The following JADE1 variants were observed in gnomAD, a reference collection of about 807,000 sequenced individuals.
JADE1 encodes jade family PHD finger 1.
A neutral mutation model predicts 81.8 loss-of-function variants in JADE1; 14 were observed. That is an observed-to-expected ratio of 0.17 (90% CI 0.11 to 0.27). The LOEUF is 0.27. Among genes scored for constraint, JADE1 ranks in the 10% least tolerant of loss-of-function variants. The pLI, the probability that JADE1 is intolerant of heterozygous loss-of-function variation, is 1.00. For missense variants in JADE1, 690 were observed against 1,047.9 expected, an observed-to-expected ratio of 0.66 and a Z score of 4.71; for synonymous variants, 353 against 391.9, an observed-to-expected ratio of 0.90 and a Z score of 1.17.
rs552387202 is a variant in JADE1, at chr4:128,849,056, G to A, written c.373G>A (p.Glu125Lys). The A allele has an allele frequency of 1.3e-5, 21 of 1,614,144 alleles. No homozygotes were observed. The African/African-American group carries it at 1.6e-4, about 12-fold the overall frequency. ...YIVSSGSEPP[E>K]LGYVDIRTLA... ...CGTGTCATCAGGCTCTGAGCCTCCC[G>A]AGTTGGGCTATGTGGACATCCGGAC... The change falls in exon 5 of 11, where the codon GAG becomes AAG. Residue 125 changes from glutamate to lysine, a missense_variant. By Grantham distance (56) the Glu-to-Lys change is moderately conservative. This residue lies in a region of JADE1 where 98 missense variants were observed against 161.3 expected (regional missense o/e 0.61). Transcript: ENST00000226319.
Position 128,871,741 on chromosome 4 carries a change from A to T in JADE1, c.2008A>T (p.Lys670Ter). The change falls in exon 11 of 11, where the codon AAA becomes TAA. Residue 670 changes from lysine to a stop codon, truncating the protein, a stop_gained. Transcript: ENST00000226319. LOFTEE classifies it high-confidence loss of function. The surrounding 1 kb of genome is among the most constrained non-coding windows in gnomAD (Gnocchi z 4.1). Reference protein sequence around the residue: ...RDNRFHCDLIKGDLKDKSFKQ... With the variant: ...RDNRFHCDLI ...CAATCGTTTTCATTGTGATCTCATT[A>T]AAGGAGACTTAAAGGACAAATCTTT... The T allele has an allele frequency of 6.2e-7, 1 of 1,614,160 alleles. No homozygotes were observed. The highest frequency in any genetic ancestry group is 8.5e-7 in the Non-Finnish European group (1 of 1,180,024).
intron 2 of JADE1, among the ~76,000 whole-genome samples, chr4:128,835,834 C>G (rs1728936371): frequency 6.6e-6 from 1 of 152,212 alleles, no homozygotes; most frequent in African/African-American, 2.4e-5. Context: ...GTTTTCTGGC[C>G]TGGTCCAGAG....
chr4:128,822,841 A>G (rs1727710543), intron 1 of JADE1, among the ~76,000 whole-genome samples: 2 of 152,242 alleles, frequency 1.3e-5, no homozygotes, highest in African/African-American at 4.8e-5. Flanking sequence ...GAACATTTAT[A>G]TTCTTTCAGA....
At chr4:128,812,528 C>T (rs1726553464) in intron 1 of JADE1, among the ~76,000 whole-genome samples, 1 of 152,170 alleles carries the variant, frequency 6.6e-6, no homozygotes, top group Non-Finnish European at 1.5e-5. Flanking sequence ...ATTCTCGAGT[C>T]CTCAACCCCG....
At position 128,849,962 on chromosome 4, in the gene JADE1, G is replaced by A. The variant is rs148690814; in HGVS notation, c.484+795G>A. On this transcript the variant is annotated intron_variant, in intron 5 of 10. Coordinates refer to ENST00000226319, the MANE Select transcript of JADE1 (RefSeq NM_199320.4). ...TGTAGGTACACGGTGGGGAGGTGGT[G>A]GCAAGGGCCATGTATTGTAATCTAG... Among the ~76,000 whole-genome samples the A allele has an allele frequency of 5.3e-5, 8 of 152,184 alleles. No individual in the cohort carries two copies. In the East Asian group the frequency reaches 1.5e-3, roughly 29 times the overall value.
intron 1 of JADE1, among the ~76,000 whole-genome samples, chr4:128,827,551 G>A (rs924262807): frequency 3.3e-5 from 5 of 152,208 alleles, no homozygotes; most frequent in Non-Finnish European, 5.9e-5. Flanking sequence ...ACAGATGCCT[G>A]AGTAAAGCTG....
chr4:128,817,406 A>G (rs17013725), intron 1 of JADE1, among the ~76,000 whole-genome samples: 4,622 of 152,204 alleles, frequency 0.03, 202 homozygotes, highest in African/African-American at 0.1. Context: ...TTGAGAATTC[A>G]TGGCATCTTC....
At chr4:128,853,802 TTG>T (rs929276083) in intron 6 of JADE1, among the ~76,000 whole-genome samples, 2 of 152,134 alleles carry the variant, frequency 1.3e-5, no homozygotes, top group African/African-American at 4.8e-5. Context: ...GCTTCATAAT[TTG>T]TGACCTCCTA....
intron 1 of JADE1, 155 bp downstream of exon 1, chr4:128,810,032 T>C: frequency 6.4e-6 from 1 of 157,194 alleles, no homozygotes; most frequent in Non-Finnish European, 1.4e-5. Flanking sequence ...GGCTCAGCCA[T>C]ATTTGATGGT....
intron 8 of JADE1, among the ~76,000 whole-genome samples, chr4:128,860,473 G>A (rs1209712397): frequency 1.3e-5 from 2 of 152,210 alleles, no homozygotes; most frequent in Non-Finnish European, 2.9e-5. Flanking sequence ...CCTTGGTGAT[G>A]TGATTCAGGA....
chr4:128,862,507 TC>T, intron 9 of JADE1: 1 of 1,277,990 alleles, frequency 7.8e-7, no homozygotes, highest in Non-Finnish European at 9.9e-7. Context: ...GGGTGTGTCT[TC>T]CCCACCCCCA....
In JADE1 at chr4:128,831,804, A is replaced by C; in HGVS notation, c.46A>C (p.Asn16His). The change falls in exon 2 of 11, where the codon AAT (asparagine) becomes CAT (histidine). Residue 16 changes from asparagine (N) to histidine (H), a missense_variant. Asn to His is a moderately conservative substitution (Grantham distance 68). Coordinates refer to ENST00000226319, the MANE Select transcript of JADE1 (RefSeq NM_199320.4). ...LPSSSEDSDD[N>H]GSLSTTWSQN... The stretch of plus-strand genomic sequence containing the variant: ...CAGCAGCAGTGAGGATTCTGACGAC[A>C]ATGGCAGTAAGTCCTGCTTTGTTGT... The C allele has an allele frequency of 2.5e-6, 4 of 1,613,984 alleles. No individual in the cohort carries two copies. Among genetic ancestry groups the C allele is most frequent in the Non-Finnish European group, 3.4e-6 (4 of 1,179,854 alleles).
intron 6 of JADE1, among the ~76,000 whole-genome samples, chr4:128,854,818 G>C (rs568677391): frequency 6.6e-6 from 1 of 152,226 alleles, no homozygotes; most frequent in Admixed American, 6.5e-5. Context: ...TTCTGTCTTT[G>C]AACTGTCTTA....
chr4:128,843,100 G>T, intron 3 of JADE1, 62 bp downstream of exon 3: 1 of 1,386,122 alleles, frequency 7.2e-7, no homozygotes, highest in Non-Finnish European at 1.0e-6. Flanking sequence ...GCCTAGTTGA[G>T]TGGTATCTAT....
At chr4:128,867,527 G>GA (rs1235731047) in intron 9 of JADE1, among the ~76,000 whole-genome samples, 2 of 152,352 alleles carry the variant, frequency 1.3e-5, no homozygotes, top group Non-Finnish European at 2.9e-5. Flanking sequence ...TTTTGACTTG[G>GA]ACACCAATGG....
intron 3 of JADE1, among the ~76,000 whole-genome samples, chr4:128,843,675 A>G (rs188185267): frequency 1.2e-4 from 18 of 152,334 alleles, no homozygotes; most frequent in Admixed American, 9.8e-4. Context: ...GCTAGGCTTT[A>G]AATCATCGAA....
At chr4:128,851,408 A>C (rs1355667747) in intron 5 of JADE1, among the ~76,000 whole-genome samples, 2 of 152,186 alleles carry the variant, frequency 1.3e-5, no homozygotes, top group Non-Finnish European at 2.9e-5. Context: ...CATGGTTTTG[A>C]AGTCACTTAC....
intron 4 of JADE1, among the ~76,000 whole-genome samples, chr4:128,848,428 C>T (rs1424408802): frequency 1.3e-5 from 2 of 152,210 alleles, no homozygotes; most frequent in Non-Finnish European, 2.9e-5. Flanking sequence ...ATCCGCCTGC[C>T]TCGGCCTCCC....
chr4:128,834,117 G>C (rs776753774), intron 2 of JADE1, among the ~76,000 whole-genome samples: 1 of 152,162 alleles, frequency 6.6e-6, no homozygotes, highest in Non-Finnish European at 1.5e-5. Context: ...TGTCCAGAGG[G>C]TCTTAGTAGC....
Sources: gnomAD v4.1 joint callset for allele counts (sites outside exome capture counted in the v4.1 genomes callset) on GRCh38, gnomAD v4.1.1 for gene constraint, gnomAD v4.1.1 regional missense constraint, Gnocchi (gnomAD v3.1) non-coding constraint, MANE v1.5 for transcripts, NCBI Gene and HGNC (gene_info 2026-07-23, HGNC 2026-07-21) for gene names.